The following CREB5 variants were observed in gnomAD, a reference collection of about 807,000 sequenced individuals.
CREB5 encodes the protein cAMP responsive element binding protein 5.
Under a neutral mutation model 57.1 loss-of-function variants are expected in CREB5, and 19 were observed. The ratio of observed to expected loss-of-function variants is 0.33; its 90% confidence interval spans 0.23 to 0.49. The LOEUF (loss-of-function observed/expected upper bound fraction) is 0.49, where lower values mean the gene tolerates loss of function less well. CREB5 is among the 20% of genes least tolerant of loss of function. The probability of loss-of-function intolerance (pLI) is 0.99; values close to 1 mark genes in which losing one functional copy is unlikely to be tolerated. For synonymous variants in CREB5, 238 were observed against 238.3 expected, an observed-to-expected ratio of 1.00 and a Z score of 0.01; for missense variants, 579 against 671.6, an observed-to-expected ratio of 0.86 and a Z score of 1.52.
At chr7:28,707,530 C>T (rs968182517) in intron 5 of CREB5, among the ~76,000 whole-genome samples, 2 of 152,154 alleles carry the variant, frequency 1.3e-5, no homozygotes, top group Admixed American at 6.5e-5. Flanking sequence ...TGGGAGTCAG[C>T]GTTATCTCTA....
At position 28,433,804 on chromosome 7, in the gene CREB5, A is replaced by T. The variant is rs144257650; in HGVS notation, c.3+20887A>T. Among the ~76,000 whole-genome samples the T allele has an allele frequency of 2.6e-3, 396 of 151,984 alleles. 1 individual carries two copies. Among genetic ancestry groups the T allele is most frequent in the Non-Finnish European group, 4.2e-3 (282 of 67,940 alleles). On this transcript the variant is annotated intron_variant, in intron 1 of 10. Transcript: ENST00000357727. ...GTCTGTGAATATGTGAACACAGTTT[A>T]CGTTTAGAATCATGCCACTTCTGCT...
chr7:28,404,670 G>A (rs1787541324), intron 1 of CREB5, among the ~76,000 whole-genome samples: 1 of 152,196 alleles, frequency 6.6e-6, no homozygotes, highest in Non-Finnish European at 1.5e-5. Context: ...AGCATGAGAT[G>A]AGGCCCTGTG....
At chr7:28,763,787 G>A (rs1805794719) in intron 7 of CREB5, among the ~76,000 whole-genome samples, 1 of 139,376 alleles carries the variant, frequency 7.2e-6, no homozygotes, top group African/African-American at 2.6e-5. Flanking sequence ...TGTAATCGCT[G>A]TGGGGATATT....
At chr7:28,373,452 T>C (rs896472224) in intron 1 of CREB5, among the ~76,000 whole-genome samples, 2 of 151,326 alleles carry the variant, frequency 1.3e-5, no homozygotes, top group South Asian at 4.2e-4. Flanking sequence ...TTTCTTTTTT[T>C]TTTTTTGAGA....
At chr7:28,429,164 T>A (rs1473053306) in intron 1 of CREB5, among the ~76,000 whole-genome samples, 1 of 152,098 alleles carries the variant, frequency 6.6e-6, no homozygotes, top group Non-Finnish European at 1.5e-5. Flanking sequence ...GTAGCTGGGA[T>A]TACAGACACT....
intron 7 of CREB5, among the ~76,000 whole-genome samples, chr7:28,782,680 A>C (rs1292438367): frequency 6.6e-6 from 1 of 152,220 alleles, no homozygotes; most frequent in Non-Finnish European, 1.5e-5. Flanking sequence ...ACGTGTTGGA[A>C]ATATCATCAA....
chr7:28,812,460 AT>A (rs1293672375), intron 9 of CREB5, among the ~76,000 whole-genome samples: 1 of 152,036 alleles, frequency 6.6e-6, no homozygotes, highest in African/African-American at 2.4e-5. Context: ...TTTTTTTCAC[AT>A]TTCTTTAGAG....
At chr7:28,752,382 T>C (rs1359235017) in intron 7 of CREB5, among the ~76,000 whole-genome samples, 1 of 152,094 alleles carries the variant, frequency 6.6e-6, no homozygotes, top group East Asian at 1.9e-4. Context: ...GGCCAGGCTG[T>C]TCTCAAACTC....
intron 5 of CREB5, among the ~76,000 whole-genome samples, chr7:28,588,885 C>T (rs1454963958): frequency 3.3e-5 from 5 of 152,222 alleles, no homozygotes; most frequent in Non-Finnish European, 5.9e-5. Context: ...TTCTCCAAGC[C>T]TGTTTTCCCT....
intron 5 of CREB5, among the ~76,000 whole-genome samples, chr7:28,588,594 G>T (rs183412287): frequency 2.0e-5 from 3 of 152,094 alleles, no homozygotes; most frequent in South Asian, 2.1e-4. Context: ...AACAAAATAC[G>T]CATCCTTCAT....
intron 4 of CREB5, among the ~76,000 whole-genome samples, chr7:28,550,735 A>G (rs1454093266): frequency 2.0e-5 from 3 of 152,212 alleles, no homozygotes; most frequent in Non-Finnish European, 4.4e-5. Flanking sequence ...TTTTCCCTGA[A>G]GCTCTAAATA....
intron 7 of CREB5, among the ~76,000 whole-genome samples, chr7:28,742,786 T>C (rs1583653300): frequency 6.6e-6 from 1 of 151,400 alleles, no homozygotes; most frequent in East Asian, 1.9e-4. Flanking sequence ...CTTATTTTGC[T>C]TTTTTTTTCT....
chr7:28,430,031 T>A (rs1788654359), intron 1 of CREB5, among the ~76,000 whole-genome samples: 1 of 152,224 alleles, frequency 6.6e-6, no homozygotes, highest in Non-Finnish European at 1.5e-5. Flanking sequence ...CATAGGGCTG[T>A]ATGTAAAACA....
chr7:28,643,594 A>G (rs923833220), intron 5 of CREB5, among the ~76,000 whole-genome samples: 1 of 152,152 alleles, frequency 6.6e-6, no homozygotes, highest in Non-Finnish European at 1.5e-5. Flanking sequence ...ATAGGGTGAT[A>G]ATAGAAATAC....
chr7:28,730,931 A>G (rs1480954225), intron 7 of CREB5, among the ~76,000 whole-genome samples: 1 of 152,198 alleles, frequency 6.6e-6, no homozygotes, highest in African/African-American at 2.4e-5. Context: ...TTATAAAAAT[A>G]AAGCTCAGTT....
At chr7:28,328,549 G>A (rs1197779994) in intron 1 of CREB5, among the ~76,000 whole-genome samples, 4 of 152,058 alleles carry the variant, frequency 2.6e-5, no homozygotes, top group African/African-American at 9.7e-5. Context: ...CTGTCAAAAG[G>A]CTTTTAAATG....
chr7:28,578,017 C>T (rs534407084), intron 5 of CREB5, among the ~76,000 whole-genome samples: 1 of 152,224 alleles, frequency 6.6e-6, no homozygotes, highest in East Asian at 1.9e-4. Flanking sequence ...GATGGTTTTG[C>T]CAGAGACAGT....
chr7:28,485,157 G>T (rs1791499231), intron 1 of CREB5, among the ~76,000 whole-genome samples: 1 of 152,126 alleles, frequency 6.6e-6, no homozygotes, highest in South Asian at 2.1e-4. Context: ...AAGTGTCTGG[G>T]CTTGGTCAAT....
At chr7:28,560,867 T>TGCGCGTGCGTGTGCGCGCGC (rs1294033526) in intron 4 of CREB5, among the ~76,000 whole-genome samples, 1 of 22,046 alleles carries the variant, frequency 4.5e-5, no homozygotes. Context: ...TGCGTGTGCC[T>TGCGCGTGCGTGTGCGCGCGC]GCGTGCGCGT....
Sources: gnomAD v4.1 joint callset for allele counts (sites outside exome capture counted in the v4.1 genomes callset) on GRCh38, gnomAD v4.1.1 for gene constraint, MANE v1.5 for transcripts, NCBI Gene and HGNC (gene_info 2026-07-23, HGNC 2026-07-21) for gene names.